Variants in JAZF1 observed in about 807,000 individuals in gnomAD.
JAZF1 encodes JAZF zinc finger 1.
Under a neutral mutation model 26.4 loss-of-function variants are expected in JAZF1, and 8 were observed. The ratio of observed to expected loss-of-function variants is 0.30; its 90% CI spans 0.18 to 0.55. JAZF1 has a LOEUF of 0.55. Ranked by LOEUF, JAZF1 falls within the 20% of genes least tolerant of loss-of-function variation. The pLI is 0.94. For synonymous variants in JAZF1, 126 were observed against 122.3 expected (o/e 1.03, Z -0.20); for missense variants, 199 against 322.0 (o/e 0.62, Z 2.92).
intron 3 of JAZF1, among the ~76,000 whole-genome samples, chr7:27,873,659 C>G (rs181677818): frequency 1.3e-5 from 2 of 152,164 alleles, no homozygotes; most frequent in Non-Finnish European, 2.9e-5. Context: ...ACCATGATAG[C>G]GGTTCACTGA....
Position 28,169,421 on chromosome 7 carries a change from G to A in JAZF1, c.115+11042C>T, listed in dbSNP as rs1783419353. Among the ~76,000 whole-genome samples the A allele has an allele frequency of 2.0e-5, 3 of 152,186 alleles. No individual in the cohort carries two copies. In the South Asian group the frequency reaches 6.2e-4, roughly 32 times the overall value. ...TAGTGTCAGAAAGATCTTATTAAAAGATGTACTTGGCATCTCTCTAAAATC... is the reference window on the plus strand; with the variant it reads ...TAGTGTCAGAAAGATCTTATTAAAAAATGTACTTGGCATCTCTCTAAAATC... On this transcript the variant is annotated intron_variant, in intron 1 of 4. Transcript: ENST00000283928.
At chr7:27,856,240 C>T (rs1416235723) in intron 3 of JAZF1, among the ~76,000 whole-genome samples, 1 of 152,126 alleles carries the variant, frequency 6.6e-6, no homozygotes, top group Admixed American at 6.5e-5. Flanking sequence ...TGCAGACCTT[C>T]GCGGTGAGCG....
intron 1 of JAZF1, among the ~76,000 whole-genome samples, chr7:28,149,344 A>G (rs893333901): frequency 5.3e-5 from 8 of 152,226 alleles, no homozygotes; most frequent in African/African-American, 1.9e-4. Flanking sequence ...GCCAGTGTCA[A>G]GAAAGACGTC....
Position 28,120,498 on chromosome 7 carries a change from G to GTTTTTTTTTTTTTTTTTT in JAZF1, c.115+59964_115+59965insAAAAAAAAAAAAAAAAAA, listed in dbSNP as rs1345204155. 1.7e-4 allele frequency among the ~76,000 whole-genome samples: 7 copies of GTTTTTTTTTTTTTTTTTT among 41,062 alleles called. 1 individual carries two copies. The highest frequency in any genetic ancestry group is 1.1e-3 in the Admixed American group (3 of 2,820). The allele number at this position is 41,062 out of a possible 152,430, so 26.9% of individuals were successfully genotyped here. Reference sequence around the variant, plus strand: ...ATGTCTGAACCACTAGCCACACACAGTTCTTTTTTTTTTTTTTTTTTTTTT... The same window carrying GTTTTTTTTTTTTTTTTTT: ...ATGTCTGAACCACTAGCCACACACAGTTTTTTTTTTTTTTTTTTTTCTTTTTTTTTTTTTTTTTTTTTT... On this transcript the variant is annotated intron_variant, in intron 1 of 4. Transcript: ENST00000283928.
At chr7:27,961,762 C>G (rs1785188385) in intron 2 of JAZF1, among the ~76,000 whole-genome samples, 2 of 152,164 alleles carry the variant, frequency 1.3e-5, no homozygotes, top group South Asian at 4.1e-4. Context: ...TTAAACAGTT[C>G]CAGTAGGAGC....
At chr7:27,987,452 C>T (rs1025096779) in intron 2 of JAZF1, among the ~76,000 whole-genome samples, 11 of 151,820 alleles carry the variant, frequency 7.2e-5, no homozygotes, top group Non-Finnish European at 1.2e-4. Flanking sequence ...GGAGCATTTC[C>T]GCCTGGCAGC....
intron 2 of JAZF1, among the ~76,000 whole-genome samples, chr7:27,943,584 G>T (rs932778081): frequency 2.6e-5 from 4 of 152,116 alleles, no homozygotes; most frequent in Non-Finnish European, 4.4e-5. Context: ...CCTTCCCCTC[G>T]ATATGATGCC....
At chr7:28,150,109 G>A (rs568505086) in intron 1 of JAZF1, among the ~76,000 whole-genome samples, 1 of 152,330 alleles carries the variant, frequency 6.6e-6, no homozygotes, top group Admixed American at 6.5e-5. Flanking sequence ...CTGAGTAACT[G>A]AAATGAGTGT....
chr7:28,093,970 C>T (rs1182258672), intron 1 of JAZF1, among the ~76,000 whole-genome samples: 1 of 152,188 alleles, frequency 6.6e-6, no homozygotes, highest in East Asian at 1.9e-4. Context: ...CTTCAGTATT[C>T]CATATATTCA....
chr7:28,178,382 G>A (rs1351912072), intron 1 of JAZF1, among the ~76,000 whole-genome samples: 1 of 152,046 alleles, frequency 6.6e-6, no homozygotes, highest in African/African-American at 2.4e-5. Flanking sequence ...GCTTGTCTAA[G>A]TAGGTAGGCA....
intron 3 of JAZF1, among the ~76,000 whole-genome samples, chr7:27,883,718 G>A (rs997434183): frequency 1.3e-5 from 2 of 152,170 alleles, no homozygotes; most frequent in African/African-American, 4.8e-5. Flanking sequence ...ATTGGAAGAC[G>A]TAGGTGCTGT....
chr7:27,951,453 C>T (rs533649538), intron 2 of JAZF1, among the ~76,000 whole-genome samples: 43 of 152,192 alleles, frequency 2.8e-4, no homozygotes, highest in Non-Finnish European at 5.7e-4. Context: ...AAAGGAAAAG[C>T]ATGCATTTTA....
intron 1 of JAZF1, among the ~76,000 whole-genome samples, chr7:28,048,612 T>C (rs762297777): frequency 1.3e-5 from 2 of 152,208 alleles, no homozygotes; most frequent in Non-Finnish European, 2.9e-5. Flanking sequence ...GTACTCTCAT[T>C]CTTATTAACT....
chr7:27,965,098 C>A (rs28374360), intron 2 of JAZF1, among the ~76,000 whole-genome samples: 11,017 of 152,192 alleles, frequency 0.072, 500 homozygotes, highest in Non-Finnish European at 0.11. Context: ...CAGTATATAT[C>A]AGACACAAAG....
chr7:27,846,350 C>T (rs1480022617), intron 3 of JAZF1, among the ~76,000 whole-genome samples: 1 of 151,398 alleles, frequency 6.6e-6, no homozygotes, highest in Non-Finnish European at 1.5e-5. Flanking sequence ...TATATATACA[C>T]GTATACGTGT....
At chr7:27,955,110 G>T (rs1785066428) in intron 2 of JAZF1, among the ~76,000 whole-genome samples, 1 of 152,106 alleles carries the variant, frequency 6.6e-6, no homozygotes, top group African/African-American at 2.4e-5. Context: ...AAGTTGCCTG[G>T]CCAATAAATT....
intron 3 of JAZF1, among the ~76,000 whole-genome samples, chr7:27,855,191 C>T (rs917734150): frequency 1.3e-5 from 2 of 152,134 alleles, no homozygotes; most frequent in Non-Finnish European, 1.5e-5. Context: ...CAAAGACACA[C>T]AATGTATCAG....
chr7:28,089,528 G>A (rs751840373), intron 1 of JAZF1, among the ~76,000 whole-genome samples: 7 of 152,220 alleles, frequency 4.6e-5, no homozygotes, highest in African/African-American at 9.6e-5. Context: ...TGGTTAACGC[G>A]TAGAGAGGCT....
At chr7:28,080,803 G>A (rs1432550452) in intron 1 of JAZF1, among the ~76,000 whole-genome samples, 1 of 152,066 alleles carries the variant, frequency 6.6e-6, no homozygotes, top group Non-Finnish European at 1.5e-5. Context: ...AAAGATGACC[G>A]ATCACAGATC....
Sources: gnomAD v4.1 joint callset for allele counts (sites outside exome capture counted in the v4.1 genomes callset) on GRCh38, gnomAD v4.1.1 for gene constraint, MANE v1.5 for transcripts, NCBI Gene and HGNC (gene_info 2026-07-23, HGNC 2026-07-21) for gene names.